Variants in EXOC6 observed in about 807,000 individuals in gnomAD.
The protein encoded by EXOC6 is exocyst complex component 6, also known as SEC15-like 1.
A neutral mutation model predicts 112.5 loss-of-function variants in EXOC6; 60 were observed. That is an observed-to-expected ratio of 0.53 (90% CI 0.43 to 0.66). The LOEUF (loss-of-function observed/expected upper bound fraction) is 0.66. Ranked by LOEUF, EXOC6 falls within the 30% of genes least tolerant of loss-of-function variation. The pLI is 0.00. For missense variants in EXOC6, 855 were observed against 957.1 expected (o/e 0.89, Z 1.41); for synonymous variants, 295 against 308.0 (o/e 0.96, Z 0.44).
chr10:93,017,513 T>C (rs928867740), intron 20 of EXOC6, among the ~76,000 whole-genome samples: 3 of 151,810 alleles, frequency 2.0e-5, no homozygotes, highest in Admixed American at 6.6e-5. Context: ...CGCTTGAACC[T>C]GGGGAGATGG....
intron 1 of EXOC6, among the ~76,000 whole-genome samples, chr10:92,851,127 C>T (rs1004514284): frequency 6.6e-6 from 1 of 152,138 alleles, no homozygotes; most frequent in Non-Finnish European, 1.5e-5. Context: ...AAGTTTATGG[C>T]ACCAAACACC....
chr10:92,852,188 T>A (rs893220253), intron 1 of EXOC6, among the ~76,000 whole-genome samples: 4 of 152,192 alleles, frequency 2.6e-5, no homozygotes, highest in Non-Finnish European at 4.4e-5. Context: ...AAGAAATAGC[T>A]GAATAGCCCT....
intron 19 of EXOC6, among the ~76,000 whole-genome samples, chr10:93,005,898 G>A (rs866364881): frequency 1.1e-4 from 17 of 152,272 alleles, no homozygotes; most frequent in Middle Eastern, 6.8e-3. Flanking sequence ...AATGGCTCAT[G>A]CCTGTAATCC....
intron 20 of EXOC6, among the ~76,000 whole-genome samples, chr10:93,045,557 A>C (rs1000537878): frequency 1.3e-5 from 2 of 152,212 alleles, no homozygotes; most frequent in Non-Finnish European, 1.5e-5. Flanking sequence ...TCATTGGCTA[A>C]TTCATATTGT....
At chr10:93,042,954 TATTA>T (rs1564933943) in intron 20 of EXOC6, among the ~76,000 whole-genome samples, 22 of 114,860 alleles carry the variant, frequency 1.9e-4, no homozygotes, top group Admixed American at 8.7e-4. Flanking sequence ...TTATTATTAT[TATTA>T]TTTTTTGAGA....
In EXOC6 at chr10:93,028,749, G is replaced by A. The variant is rs190169779; in HGVS notation, c.2169+14482G>A. On this transcript the variant is annotated intron_variant, in intron 20 of 21. Transcript: ENST00000260762. ...CTTGGGAGACTGAGGCAGGAGAATC[G>A]CTTGAACCTGGGAGGCGGAGGTTGC... is the stretch of plus-strand genomic sequence containing the variant. Among the ~76,000 whole-genome samples the A allele has an allele frequency of 1.9e-4, 29 of 150,052 alleles. No homozygotes were observed. The East Asian group carries it at 4.0e-3, about 20-fold the overall frequency.
intron 1 of EXOC6, among the ~76,000 whole-genome samples, chr10:92,877,231 T>C (rs368841925): frequency 6.6e-6 from 1 of 151,964 alleles, no homozygotes; most frequent in East Asian, 1.9e-4. Context: ...AATGTATTAC[T>C]GACATTGAAC....
exon 1 of EXOC6, among the ~76,000 whole-genome samples, chr10:92,826,900 T>A (rs1207808395): frequency 2.0e-5 from 3 of 151,876 alleles, no homozygotes; most frequent in Non-Finnish European, 2.9e-5. Context: ...TGGTAAAGTG[T>A]GAGGAACACT....
chr10:93,029,505 T>C (rs557317666), intron 20 of EXOC6, among the ~76,000 whole-genome samples: 11 of 152,330 alleles, frequency 7.2e-5, no homozygotes, highest in African/African-American at 2.2e-4. Context: ...CTGACTGATA[T>C]ATAGAATTTC....
intron 20 of EXOC6, among the ~76,000 whole-genome samples, chr10:93,046,935 T>A (rs1846026442): frequency 6.6e-6 from 1 of 152,066 alleles, no homozygotes; most frequent in African/African-American, 2.4e-5. Flanking sequence ...TAGTTCCTCA[T>A]TTAGGAGCCT....
At chr10:93,023,418 T>G (rs1844877035) in intron 20 of EXOC6, among the ~76,000 whole-genome samples, 5 of 152,224 alleles carry the variant, frequency 3.3e-5, no homozygotes, top group Admixed American at 3.3e-4. Flanking sequence ...TGAAAAGACT[T>G]TATCATCCTG....
At chr10:93,036,284 T>C (rs1845513239) in intron 20 of EXOC6, among the ~76,000 whole-genome samples, 1 of 152,152 alleles carries the variant, frequency 6.6e-6, no homozygotes, top group African/African-American at 2.4e-5. Flanking sequence ...TTCACAGTCA[T>C]TATTTCCCTC....
At chr10:93,047,968 A>C (rs551336126) in intron 20 of EXOC6, among the ~76,000 whole-genome samples, 52 of 152,158 alleles carry the variant, frequency 3.4e-4, no homozygotes, top group Admixed American at 2.6e-4. Flanking sequence ...AACAAACAAA[A>C]AAATTGTGAG....
At chr10:92,886,254 A>G (rs1849209634) in intron 1 of EXOC6, among the ~76,000 whole-genome samples, 1 of 152,232 alleles carries the variant, frequency 6.6e-6, no homozygotes, top group Non-Finnish European at 1.5e-5. Flanking sequence ...TAAAGAAAAA[A>G]AGAAAAATAG....
At chr10:92,929,731 G>A (rs1163287255) in intron 9 of EXOC6, among the ~76,000 whole-genome samples, 1 of 152,132 alleles carries the variant, frequency 6.6e-6, no homozygotes, top group East Asian at 1.9e-4. Flanking sequence ...ATTATGAATA[G>A]GTTTAACAGT....
chr10:92,866,131 C>A (rs1298845477), intron 1 of EXOC6, among the ~76,000 whole-genome samples: 1 of 152,174 alleles, frequency 6.6e-6, no homozygotes, highest in African/African-American at 2.4e-5. Flanking sequence ...AGCATCTACA[C>A]AATTGTATTA....
At chr10:92,897,101 T>C (rs1467348830) in intron 4 of EXOC6, among the ~76,000 whole-genome samples, 1 of 152,158 alleles carries the variant, frequency 6.6e-6, no homozygotes, top group Non-Finnish European at 1.5e-5. Context: ...GAATGTTTTG[T>C]CCCTGTCTGA....
At chr10:93,017,359 G>C (rs1031432263) in intron 20 of EXOC6, among the ~76,000 whole-genome samples, 1 of 151,918 alleles carries the variant, frequency 6.6e-6, no homozygotes, top group African/African-American at 2.4e-5. Flanking sequence ...GGAAGGCTGA[G>C]GCGGGTGGAT....
chr10:92,998,821 A>G (rs1424642215), intron 19 of EXOC6, among the ~76,000 whole-genome samples: 1 of 152,166 alleles, frequency 6.6e-6, no homozygotes, highest in African/African-American at 2.4e-5. Context: ...AACCTTTATT[A>G]TATTTCTTTC....
Sources: gnomAD v4.1 joint callset for allele counts (sites outside exome capture counted in the v4.1 genomes callset) on GRCh38, gnomAD v4.1.1 for gene constraint, MANE v1.5 for transcripts, NCBI Gene and HGNC (gene_info 2026-07-23, HGNC 2026-07-21) for gene names.